Variants in DSCAM observed in about 807,000 individuals in gnomAD.
DSCAM encodes cell adhesion molecule DSCAM.
In DSCAM, 47 loss-of-function variants were observed where a neutral mutation model predicts 217.7. That is an observed-to-expected ratio of 0.22 (90% CI 0.17 to 0.28). The LOEUF (loss-of-function observed/expected upper bound fraction) is 0.28. Among genes scored for constraint, DSCAM ranks in the 10% least tolerant of loss-of-function variants. DSCAM has a pLI of 1.00. For synonymous variants in DSCAM, 1,056 were observed against 1,015.3 expected (o/e 1.04, Z -0.76); for missense variants, 2,080 against 2,618.3 (o/e 0.79, Z 4.49).
intron 9 of DSCAM, among the ~76,000 whole-genome samples, chr21:40,301,102 T>C (rs1052395665): frequency 5.3e-5 from 8 of 152,196 alleles, no homozygotes; most frequent in Non-Finnish European, 1.0e-4. Context: ...CACTCTACTT[T>C]CAAGGGAACC....
At chr21:40,295,405 T>A (rs2073943107) in intron 10 of DSCAM, among the ~76,000 whole-genome samples, 1 of 152,188 alleles carries the variant, frequency 6.6e-6, no homozygotes, top group Admixed American at 6.5e-5. Flanking sequence ...TTCCATGTCA[T>A]ACATTTCTAC....
At chr21:40,065,542 C>G (rs912092203) in intron 27 of DSCAM, among the ~76,000 whole-genome samples, 2 of 152,154 alleles carry the variant, frequency 1.3e-5, no homozygotes, top group African/African-American at 2.4e-5. Flanking sequence ...CAATGTCTTA[C>G]ACAGACGTAC....
intron 1 of DSCAM, among the ~76,000 whole-genome samples, chr21:40,834,597 C>T (rs1160537072): frequency 6.6e-6 from 1 of 151,918 alleles, no homozygotes; most frequent in South Asian, 2.1e-4. Context: ...CATCAAAGAC[C>T]TTTAGGGAGA....
At chr21:40,645,293 C>G (rs1476745711) in intron 3 of DSCAM, among the ~76,000 whole-genome samples, 2 of 152,070 alleles carry the variant, frequency 1.3e-5, no homozygotes, top group African/African-American at 4.8e-5. Flanking sequence ...GTATGCTACA[C>G]AGGCATCCGA....
At chr21:40,579,058 CAGAG>C (rs780873334) in intron 3 of DSCAM, among the ~76,000 whole-genome samples, 10 of 152,080 alleles carry the variant, frequency 6.6e-5, no homozygotes, top group African/African-American at 1.9e-4. Context: ...TTTGTAACGA[CAGAG>C]GGAGGTAGAG....
At chr21:40,779,491 C>T (rs181156291) in intron 1 of DSCAM, among the ~76,000 whole-genome samples, 9 of 152,098 alleles carry the variant, frequency 5.9e-5, no homozygotes, top group South Asian at 2.1e-4. Context: ...TCATTGCATG[C>T]GTATCAAATT....
intron 3 of DSCAM, among the ~76,000 whole-genome samples, chr21:40,679,977 G>C (rs1441545738): frequency 2.0e-5 from 3 of 151,784 alleles, no homozygotes; most frequent in Non-Finnish European, 4.4e-5. Context: ...CTGGTTTCTG[G>C]GATACAAACA....
At chr21:40,548,386 T>C (rs1412349139) in intron 3 of DSCAM, among the ~76,000 whole-genome samples, 1 of 152,050 alleles carries the variant, frequency 6.6e-6, no homozygotes, top group Non-Finnish European at 1.5e-5. Flanking sequence ...AACCAGCTCA[T>C]CTTAAAGCGC....
chr21:40,479,018 A>T (rs1390834406), intron 3 of DSCAM, among the ~76,000 whole-genome samples: 1 of 152,204 alleles, frequency 6.6e-6, no homozygotes, highest in African/African-American at 2.4e-5. Context: ...TGATCAAGGA[A>T]AACTCAAACT....
At chr21:40,522,975 T>TA (rs946586079) in intron 3 of DSCAM, among the ~76,000 whole-genome samples, 1 of 152,164 alleles carries the variant, frequency 6.6e-6, no homozygotes, top group Non-Finnish European at 1.5e-5. Flanking sequence ...CGCTTACACA[T>TA]AGTGCAAAGA....
At chr21:40,022,607 T>C (rs2088293924) in intron 32 of DSCAM, among the ~76,000 whole-genome samples, 1 of 152,144 alleles carries the variant, frequency 6.6e-6, no homozygotes, top group East Asian at 1.9e-4. Flanking sequence ...TCTTTCTCCA[T>C]TGGCACCCGC....
intron 19 of DSCAM, 21 bp downstream of exon 19, chr21:40,133,833 C>G: frequency 6.3e-7 from 1 of 1,580,336 alleles, no homozygotes; most frequent in Non-Finnish European, 8.6e-7. Flanking sequence ...TGCTGGGACC[C>G]ACCGCCCACC....
At chr21:40,374,755 A>G (rs1278247698) in intron 3 of DSCAM, among the ~76,000 whole-genome samples, 1 of 152,192 alleles carries the variant, frequency 6.6e-6, no homozygotes, top group Non-Finnish European at 1.5e-5. Context: ...ACCAGACCTC[A>G]CTTTCTCTTT....
chr21:40,480,361 C>A (rs1019647460), intron 3 of DSCAM, among the ~76,000 whole-genome samples: 26 of 152,218 alleles, frequency 1.7e-4, no homozygotes, highest in African/African-American at 6.0e-4. Context: ...TGCTCTTTCC[C>A]TCCTGGTATT....
intron 1 of DSCAM, among the ~76,000 whole-genome samples, chr21:40,746,043 C>T (rs1121423): frequency 0.78 from 117,523 of 151,590 alleles, 45,684 homozygotes; most frequent in Admixed American, 0.82. Flanking sequence ...AAAGCAAAAA[C>T]TTATAATAGA....
At chr21:40,580,096 T>TC (rs888141256) in intron 3 of DSCAM, among the ~76,000 whole-genome samples, 7 of 150,232 alleles carry the variant, frequency 4.7e-5, no homozygotes, top group East Asian at 2.0e-4. Context: ...TTTTTTTTTT[T>TC]CCTGAGACAG....
intron 1 of DSCAM, among the ~76,000 whole-genome samples, chr21:40,820,327 G>A (rs539261817): frequency 1.3e-5 from 2 of 152,228 alleles, no homozygotes; most frequent in African/African-American, 2.4e-5. Flanking sequence ...GGATGAAGCT[G>A]GAAGCCATCA....
At chr21:40,196,156 A>G (rs1052932024) in intron 11 of DSCAM, among the ~76,000 whole-genome samples, 2 of 152,184 alleles carry the variant, frequency 1.3e-5, no homozygotes, top group African/African-American at 4.8e-5. Flanking sequence ...CCTGGCCTGC[A>G]GAGGTGATGT....
chr21:40,692,510 T>C (rs2090548666), intron 3 of DSCAM, among the ~76,000 whole-genome samples: 1 of 152,184 alleles, frequency 6.6e-6, no homozygotes, highest in Admixed American at 6.5e-5. Context: ...TACTACTACC[T>C]TGTTTTTAGA....
Sources: allele counts gnomAD v4.1 joint callset (sites outside exome capture counted in the v4.1 genomes callset), GRCh38; gene constraint gnomAD v4.1.1; transcripts MANE v1.5; gene names NCBI Gene and HGNC (gene_info 2026-07-23, HGNC 2026-07-21).